Variants in PDILT observed in about 807,000 individuals in gnomAD.
The protein encoded by PDILT is protein disulfide isomerase like, testis expressed.
A neutral mutation model predicts 53.7 loss-of-function variants in PDILT; 43 were observed. The observed-to-expected ratio is 0.80, with a 90% CI of 0.63 to 1.03. The LOEUF (loss-of-function observed/expected upper bound fraction) is 1.03, where lower values mean the gene tolerates loss of function less well. PDILT is among the 50% of genes least tolerant of loss of function. The pLI is 0.00. For synonymous variants in PDILT, 282 were observed against 274.2 expected (o/e 1.03, Z -0.28); for missense variants, 727 against 712.3 (o/e 1.02, Z -0.24).
Position 20,373,011 on chromosome 16 carries a change from C to A in PDILT, c.792+1G>T. 6.2e-7 allele frequency: 1 copy of A among 1,613,990 alleles called. No individual in the cohort carries two copies. The highest frequency in any genetic ancestry group is 8.5e-7 in the Non-Finnish European group (1 of 1,179,920). On this transcript the variant is annotated splice_donor_variant, in intron 6 of 11. Coordinates refer to ENST00000302451, the MANE Select transcript of PDILT (RefSeq NM_174924.2). LOFTEE classifies it high-confidence loss of function. ...CCTCCGGGGACCATTTACTCACTGA[C>A]CTCAGTGTTGTATTCGATCACAAAA...
chr16:20,363,186 T>G (rs1368515142), intron 9 of PDILT, among the ~76,000 whole-genome samples: 1 of 152,194 alleles, frequency 6.6e-6, no homozygotes, highest in East Asian at 1.9e-4. Flanking sequence ...TGTTCATGTT[T>G]TCTTCTATTT....
At chr16:20,370,747 T>A (rs1188182661) in intron 7 of PDILT, among the ~76,000 whole-genome samples, 3 of 152,178 alleles carry the variant, frequency 2.0e-5, no homozygotes, top group Admixed American at 6.5e-5. Flanking sequence ...CATAAAGACC[T>A]TGCTGATAAA....
At chr16:20,387,857 G>T (rs1966560546) in intron 2 of PDILT, among the ~76,000 whole-genome samples, 1 of 152,080 alleles carries the variant, frequency 6.6e-6, no homozygotes, top group Admixed American at 6.6e-5. Flanking sequence ...CTGTCCTTAG[G>T]TGGTGATCTG....
At chr16:20,390,945 T>C (rs547199204) in intron 2 of PDILT, 1 of 152,380 alleles carries the variant, frequency 6.6e-6, no homozygotes, top group East Asian at 1.9e-4. Flanking sequence ...TCATCACCAT[T>C]GTTGTCATTA....
At chr16:20,402,790 C>A (rs1966760445) in intron 1 of PDILT, among the ~76,000 whole-genome samples, 1 of 152,220 alleles carries the variant, frequency 6.6e-6, no homozygotes. Context: ...CATCCCAGGG[C>A]TCCCCTGAGA....
In PDILT at chr16:20,365,481, G is replaced by A; in HGVS notation, c.1176C>T (p.Leu392=). The A allele has an allele frequency of 1.2e-6, 2 of 1,613,766 alleles. No homozygotes were observed. The highest frequency in any genetic ancestry group is 1.3e-5 in the African/African-American group (1 of 75,032). Residue 392 remains leucine (L), a synonymous_variant, in exon 9 of 12, where the codon CTC becomes CTT. Transcript: ENST00000302451. ...CGACTACGTTGAAGTTCTTCCCCAC[G>A]AGCTGCTTAACCAGTCCCTGGTCCC... is the stretch of plus-strand genomic sequence containing the variant. ...KYWDQGLVKQ[L]VGKNFNVVVF...
intron 9 of PDILT, among the ~76,000 whole-genome samples, chr16:20,365,065 A>G (rs369593176): frequency 1.3e-5 from 2 of 152,310 alleles, no homozygotes; most frequent in African/African-American, 4.8e-5. Context: ...GCTACTTTCA[A>G]AAGGATGTCG....
At chr16:20,376,534 C>T (rs1443799944) in intron 3 of PDILT, among the ~76,000 whole-genome samples, 7 of 152,194 alleles carry the variant, frequency 4.6e-5, no homozygotes, top group Admixed American at 1.3e-4. Flanking sequence ...CCAACAGGCA[C>T]CCAACTAGAG....
At chr16:20,382,676 C>T (rs978076516) in intron 3 of PDILT, among the ~76,000 whole-genome samples, 7 of 152,222 alleles carry the variant, frequency 4.6e-5, no homozygotes, top group African/African-American at 9.6e-5. Flanking sequence ...GTATATGCTA[C>T]AGGTATGTGT....
rs1966505517 is a variant in PDILT at position 20,384,582 on chromosome 16, C to T, written c.409+63G>A. On this transcript the variant is annotated intron_variant, in intron 3 of 11. Transcript: ENST00000302451. Reference sequence around the variant, plus strand: ...ATGGAGCAGAGCCTCCCACCTTTACCCTATAGCTGTTAAGTGGACTTTCCA... The same window carrying T: ...ATGGAGCAGAGCCTCCCACCTTTACTCTATAGCTGTTAAGTGGACTTTCCA... The T allele has an allele frequency of 1.9e-6, 3 of 1,594,132 alleles. No individual in the cohort carries two copies. The East Asian group carries it at 6.7e-5, about 36-fold the overall frequency.
rs1308363894 is a variant in PDILT, at chr16:20,359,532, C to G, written c.1542G>C (p.Glu514Asp). The G allele has an allele frequency of 6.2e-7, 1 of 1,614,118 alleles. No individual in the cohort carries two copies. Among genetic ancestry groups the G allele is most frequent in the Admixed American group, 1.7e-5 (1 of 60,018 alleles). ...CCTCCTTTTCCTCAGCTAGCACTTCCTCTTCTATCACTTCATTTTGCTCAA... is the reference window on the plus strand; with the variant it reads ...CCTCCTTTTCCTCAGCTAGCACTTCGTCTTCTATCACTTCATTTTGCTCAA... ...LSVEQNEVIEEEVLAEEKEVP... is the reference protein window; with the variant it reads ...LSVEQNEVIEDEVLAEEKEVP... The change falls in exon 12 of 12, where the codon GAG becomes GAC. Residue 514 changes from glutamate (E) to aspartate (D), a missense_variant. Glu to Asp is a conservative substitution (Grantham distance 45). Coordinates refer to ENST00000302451, the MANE Select transcript of PDILT (RefSeq NM_174924.2).
At chr16:20,362,641 C>A in intron 9 of PDILT, 59 bp from the exon 10 acceptor site, 1 of 1,552,224 alleles carries the variant, frequency 6.4e-7, no homozygotes, top group South Asian at 1.2e-5. Flanking sequence ...AAGCTGGCGC[C>A]ACCCTACACA....
At chr16:20,384,467 G>A (rs1258393406) in intron 3 of PDILT, among the ~76,000 whole-genome samples, 178 bp downstream of exon 3, 1 of 152,114 alleles carries the variant, frequency 6.6e-6, no homozygotes, top group African/African-American at 2.4e-5. Flanking sequence ...CCAACTGCTG[G>A]CTGGATACAG....
At chr16:20,366,507 C>A (rs184928797) in intron 8 of PDILT, among the ~76,000 whole-genome samples, 470 of 152,162 alleles carry the variant, frequency 3.1e-3, no homozygotes, top group Non-Finnish European at 6.0e-3. Context: ...ATTTATTTTT[C>A]TAATTATTTG....
intron 7 of PDILT, 85 bp from the exon 8 acceptor site, chr16:20,369,774 C>T: frequency 7.3e-7 from 1 of 1,366,242 alleles, no homozygotes; most frequent in Non-Finnish European, 1.0e-6. Flanking sequence ...TAAGGGGATG[C>T]ACATGGTGGG....
intron 8 of PDILT, among the ~76,000 whole-genome samples, chr16:20,369,213 G>A (rs964978484): frequency 1.3e-5 from 2 of 152,234 alleles, no homozygotes. Context: ...CAGAGTGCAA[G>A]TTAACACTAC....
intron 3 of PDILT, among the ~76,000 whole-genome samples, chr16:20,381,191 G>A (rs1966456437): frequency 6.6e-6 from 1 of 152,226 alleles, no homozygotes; most frequent in Non-Finnish European, 1.5e-5. Flanking sequence ...TGGGACTGGG[G>A]CTTTGACCCT....
intron 5 of PDILT, 92 bp downstream of exon 5, chr16:20,374,730 A>G: frequency 7.1e-7 from 1 of 1,414,448 alleles, no homozygotes; most frequent in Non-Finnish European, 9.6e-7. Context: ...CTGAGTTCAC[A>G]AGTGGCAGAA....
intron 10 of PDILT, among the ~76,000 whole-genome samples, chr16:20,362,028 CACCTGGTAAT>C (rs1966109762): frequency 6.6e-6 from 1 of 152,190 alleles, no homozygotes; most frequent in Admixed American, 6.5e-5. Flanking sequence ...TTTTTGCCTT[CACCTGGTAAT>C]ACCCCACATC....
Sources: allele counts gnomAD v4.1 joint callset (sites outside exome capture counted in the v4.1 genomes callset), GRCh38; gene constraint gnomAD v4.1.1; transcripts MANE v1.5; gene names NCBI Gene and HGNC (gene_info 2026-07-23, HGNC 2026-07-21).